The following NALCN variants were observed in gnomAD, a reference collection of about 807,000 sequenced individuals.
NALCN encodes sodium leak channel NALCN.
In NALCN, 111 loss-of-function variants were observed where a neutral mutation model predicts 225.3. The ratio of observed to expected loss-of-function variants is 0.49; its 90% CI spans 0.42 to 0.58. The LOEUF (loss-of-function observed/expected upper bound fraction) is 0.58, where lower values mean the gene tolerates loss of function less well. Ranked by LOEUF, NALCN falls within the 20% of genes least tolerant of loss-of-function variation. NALCN has a pLI of 0.00. For missense variants in NALCN, 1,378 were observed against 2,202.4 expected, an observed-to-expected ratio of 0.63 and a Z score of 7.49; for synonymous variants, 764 against 769.0, an observed-to-expected ratio of 0.99 and a Z score of 0.11.
intron 1 of NALCN, among the ~76,000 whole-genome samples, chr13:101,399,568 C>T (rs2047408093): frequency 6.6e-6 from 1 of 152,106 alleles, no homozygotes; most frequent in Admixed American, 6.5e-5. Flanking sequence ...ACAGATCTTC[C>T]CCATGGTTTC....
chr13:101,134,641 G>T (rs1246226480), intron 17 of NALCN, among the ~76,000 whole-genome samples: 1 of 152,098 alleles, frequency 6.6e-6, no homozygotes, highest in African/African-American at 2.4e-5. Flanking sequence ...ATTTTGAAAT[G>T]AATCAACTAA....
At chr13:101,259,658 A>T (rs534775305) in intron 10 of NALCN, among the ~76,000 whole-genome samples, 26 of 150,424 alleles carry the variant, frequency 1.7e-4, no homozygotes, top group Non-Finnish European at 1.5e-5. Flanking sequence ...TATAAAGGTT[A>T]TCATGTATTA....
intron 7 of NALCN, among the ~76,000 whole-genome samples, chr13:101,316,266 G>A (rs573747713): frequency 9.9e-5 from 15 of 152,258 alleles, no homozygotes; most frequent in African/African-American, 3.6e-4. Flanking sequence ...TTAGCAAATA[G>A]ATTAAATTAT....
intron 28 of NALCN, among the ~76,000 whole-genome samples, chr13:101,093,986 A>G (rs928652471): frequency 9.2e-5 from 14 of 152,348 alleles, no homozygotes; most frequent in South Asian, 8.3e-4. Context: ...AGTCTTGTGC[A>G]TCTGATACAA....
At chr13:101,240,439 G>C (rs1463583974) in intron 11 of NALCN, among the ~76,000 whole-genome samples, 1 of 149,918 alleles carries the variant, frequency 6.7e-6, no homozygotes, top group Non-Finnish European at 1.5e-5. Flanking sequence ...TCTCTATATT[G>C]ACCTTCTGTA....
intron 11 of NALCN, among the ~76,000 whole-genome samples, chr13:101,250,819 A>G (rs1020680064): frequency 6.6e-6 from 1 of 151,996 alleles, no homozygotes; most frequent in African/African-American, 2.4e-5. Context: ...TGCACTGCAT[A>G]CTACTAGATA....
At chr13:101,239,302 A>G (rs1356836627) in intron 11 of NALCN, among the ~76,000 whole-genome samples, 1 of 151,878 alleles carries the variant, frequency 6.6e-6, no homozygotes, top group African/African-American at 2.4e-5. Flanking sequence ...CTTTCTATAC[A>G]CTTATTATGT....
intron 13 of NALCN, 141 bp from the exon 14 acceptor site, chr13:101,192,195 C>A: frequency 2.5e-6 from 2 of 806,128 alleles, no homozygotes; most frequent in South Asian, 4.7e-5. Flanking sequence ...TGATTCAACA[C>A]ATAGGAAAGA....
chr13:101,339,096 G>C (rs1031330982), intron 7 of NALCN, among the ~76,000 whole-genome samples: 1 of 152,194 alleles, frequency 6.6e-6, no homozygotes, highest in Non-Finnish European at 1.5e-5. Context: ...GAGCAAGTGG[G>C]AACAGCGGAA....
At chr13:101,122,667 C>G (rs980711374) in intron 18 of NALCN, among the ~76,000 whole-genome samples, 1 of 152,204 alleles carries the variant, frequency 6.6e-6, no homozygotes, top group African/African-American at 2.4e-5. Context: ...ATTGGAGACT[C>G]TTCGCCATCC....
intron 15 of NALCN, among the ~76,000 whole-genome samples, chr13:101,151,207 A>G (rs539063708): frequency 6.6e-6 from 1 of 152,334 alleles, no homozygotes; most frequent in South Asian, 2.1e-4. Context: ...TGACTTCTCA[A>G]GAGACTTCGG....
intron 10 of NALCN, among the ~76,000 whole-genome samples, chr13:101,278,462 G>T (rs538660877): frequency 7.0e-6 from 1 of 142,052 alleles, no homozygotes; most frequent in South Asian, 2.2e-4. Flanking sequence ...GGCGGAGGTT[G>T]CAATGAGCCA....
At chr13:101,346,550 G>A (rs1165745313) in intron 6 of NALCN, among the ~76,000 whole-genome samples, 1 of 152,114 alleles carries the variant, frequency 6.6e-6, no homozygotes, top group Non-Finnish European at 1.5e-5. Context: ...AGAAATGGAA[G>A]GAACTCAAGG....
In NALCN at chr13:101,225,110, T is replaced by A. The variant is rs547722063; in HGVS notation, c.1626+4283A>T. Reference sequence around the variant, plus strand: ...TGGTGCAACATCCGATTGCATTAAATGTGTAAAAAATAACTCTTCCTATAT... The same window carrying A: ...TGGTGCAACATCCGATTGCATTAAAAGTGTAAAAAATAACTCTTCCTATAT... On this transcript the variant is annotated intron_variant, in intron 13 of 43. Transcript: ENST00000251127. Among the ~76,000 whole-genome samples the A allele has an allele frequency of 2.0e-4, 30 of 152,328 alleles. No individual in the cohort carries two copies. In the South Asian group the frequency reaches 3.5e-3, roughly 18 times the overall value.
intron 6 of NALCN, among the ~76,000 whole-genome samples, chr13:101,365,984 T>C (rs898048596): frequency 6.6e-6 from 1 of 152,186 alleles, no homozygotes; most frequent in African/African-American, 2.4e-5. Flanking sequence ...TTCCCTTCTT[T>C]TTCAGGAATG....
intron 41 of NALCN, among the ~76,000 whole-genome samples, chr13:101,061,317 A>C (rs902439434): frequency 3.3e-5 from 5 of 152,186 alleles, no homozygotes; most frequent in Admixed American, 2.6e-4. Context: ...CAAATTCAAT[A>C]TGTGGAAAAT....
intron 10 of NALCN, among the ~76,000 whole-genome samples, chr13:101,265,868 A>G (rs945176475): frequency 1.3e-5 from 2 of 152,230 alleles, no homozygotes; most frequent in Non-Finnish European, 2.9e-5. Flanking sequence ...ATATATTAAA[A>G]AAGAGTGACA....
chr13:101,213,030 T>A lies in NALCN; in HGVS notation c.1626+16363A>T, dbSNP rs1033151066. Reference sequence around the variant, plus strand: ...AAGAACAAAGCTGGAGGCATCACGCTACCTGACTTCAAACTATACTATAAG... The same window carrying A: ...AAGAACAAAGCTGGAGGCATCACGCAACCTGACTTCAAACTATACTATAAG... On this transcript the variant is annotated intron_variant, in intron 13 of 43. Coordinates refer to ENST00000251127, the MANE Select transcript of NALCN (RefSeq NM_052867.4). Among the ~76,000 whole-genome samples, 25 of 152,174 alleles carry A rather than the reference T, an allele frequency of 1.6e-4. 1 individual carries two copies. Among genetic ancestry groups the A allele is most frequent in the Admixed American group, 5.2e-4 (8 of 15,272 alleles).
chr13:101,103,161 T>C lies in NALCN; in HGVS notation c.3057+11A>G. On this transcript the variant is annotated intron_variant, in intron 26 of 43. Transcript: ENST00000251127. The stretch of plus-strand genomic sequence containing the variant: ...ACTGTGAACTGGAATCAAAGGATAA[T>C]TCTCACATACCAAAAAAATTTCCTT... 3 of 1,611,260 alleles carry C rather than the reference T, an allele frequency of 1.9e-6. No individual in the cohort carries two copies. The South Asian group carries it at 3.3e-5, about 18-fold the overall frequency.
Sources: allele counts gnomAD v4.1 joint callset (sites outside exome capture counted in the v4.1 genomes callset), GRCh38; gene constraint gnomAD v4.1.1; transcripts MANE v1.5; gene names NCBI Gene and HGNC (gene_info 2026-07-23, HGNC 2026-07-21).